MEI1: variants seen among roughly 807,000 people sequenced by gnomAD.
MEI1 encodes the protein meiosis inhibitor protein 1.
Under a neutral mutation model 146.2 loss-of-function variants are expected in MEI1, and 103 were observed. The ratio of observed to expected loss-of-function variants is 0.70; its 90% CI spans 0.60 to 0.83. The LOEUF is 0.83. Among genes scored for constraint, MEI1 ranks in the 40% least tolerant of loss-of-function variants. The pLI, the probability that MEI1 is intolerant of heterozygous loss-of-function variation, is 0.00. For synonymous variants in MEI1, 652 were observed against 628.2 expected (o/e 1.04, Z -0.57); for missense variants, 1,529 against 1,533.0 (o/e 1.00, Z 0.04).
At position 41,763,441 on chromosome 22, in the gene MEI1, G is replaced by T. The variant is rs2074637369; in HGVS notation, c.2268+120G>T. 1.9e-5 allele frequency: 21 copies of T among 1,119,214 alleles called. No homozygotes were observed. In the South Asian group the frequency reaches 3.2e-4, roughly 17 times the overall value. 69.3% of individuals were successfully genotyped at this position (1,119,214 alleles called of 1,614,324 possible). A position where few individuals can be genotyped will look rare whatever the true frequency, so the allele number is the denominator to read the frequency against. On this transcript the variant is annotated intron_variant, in intron 19 of 30. Coordinates refer to ENST00000401548, the MANE Select transcript of MEI1 (RefSeq NM_152513.4). ...GGGTGGTAGAGAGAGACAAAGCGGAGGTGTTAGGAGTGTGGAGAGGAGTAG... is the reference window on the plus strand; with the variant it reads ...GGGTGGTAGAGAGAGACAAAGCGGATGTGTTAGGAGTGTGGAGAGGAGTAG...
At chr22:41,721,624 C>T (rs2070813356) in intron 6 of MEI1, among the ~76,000 whole-genome samples, 1 of 151,386 alleles carries the variant, frequency 6.6e-6, no homozygotes, top group South Asian at 2.1e-4. Context: ...AACTGCTGGG[C>T]TCAAGAGATC....
intron 30 of MEI1, among the ~76,000 whole-genome samples, chr22:41,798,920 A>G (rs1451054674): frequency 6.6e-6 from 1 of 150,838 alleles, no homozygotes; most frequent in Non-Finnish European, 1.5e-5. Flanking sequence ...GGCAGTGGTC[A>G]GAGACCCTCT....
At position 41,700,177 on chromosome 22, in the gene MEI1, T is replaced by G. The variant is rs865783753; in HGVS notation, c.174+465T>G. ...TCCTCATTCCCTTCAGCTGTCGGGGTGTGAATCGGAGGAGGGGCAGTCTGG... is the reference window on the plus strand; with the variant it reads ...TCCTCATTCCCTTCAGCTGTCGGGGGGTGAATCGGAGGAGGGGCAGTCTGG... On this transcript the variant is annotated intron_variant, in intron 1 of 30. Coordinates refer to ENST00000401548, the MANE Select transcript of MEI1 (RefSeq NM_152513.4). Among the ~76,000 whole-genome samples the G allele has an allele frequency of 9.9e-5, 15 of 151,882 alleles. No homozygotes were observed. In the Middle Eastern group the frequency reaches 0.014, roughly 138 times the overall value.
intron 16 of MEI1, 150 bp downstream of exon 16, chr22:41,752,801 G>T (rs1601933867): frequency 2.8e-6 from 2 of 721,454 alleles, no homozygotes; most frequent in East Asian, 5.4e-5. Context: ...GGTGCAATAA[G>T]CTGGTCATGC....
At chr22:41,780,913 A>T (rs6002480) in intron 22 of MEI1, among the ~76,000 whole-genome samples, 55,224 of 151,966 alleles carry the variant, frequency 0.36, 13,139 homozygotes, top group African/African-American at 0.65. Flanking sequence ...TGACGGGGAC[A>T]AGAGGAGTTA....
At chr22:41,709,293 T>C in intron 3 of MEI1, 1 of 818,748 alleles carries the variant, frequency 1.2e-6, no homozygotes, top group Non-Finnish European at 2.1e-6. Flanking sequence ...GCAGGGTTAT[T>C]CCCTTCCTTG....
intron 27 of MEI1, 88 bp from the exon 28 acceptor site, chr22:41,794,283 C>G (rs994489617): frequency 2.3e-5 from 26 of 1,130,256 alleles, no homozygotes; most frequent in Non-Finnish European, 3.3e-5. Flanking sequence ...ACTGGGTAGC[C>G]CCTTTTTAAG....
At chr22:41,767,489 C>A in intron 19 of MEI1, 1 of 445,122 alleles carries the variant, frequency 2.2e-6, no homozygotes, top group Non-Finnish European at 4.6e-6. Flanking sequence ...CTGAGGATCC[C>A]CAATAGCCAG....
chr22:41,699,622 T>A lies in MEI1; in HGVS notation c.84T>A (p.His28Gln). ...CGGCGCTTCTATTCGAGAGGGCCCA[T>A]TACCGGCACGACCCGCGCTGGCTGC... ...EEAALLFERA[H>Q]YRHDPRWLLP... The change falls in exon 1 of 31, where the codon CAT becomes CAA. Residue 28 changes from histidine to glutamine, a missense_variant. This residue lies in a region of MEI1 where 1,212 missense variants were observed against 1,178.9 expected (regional missense o/e 1.03). Coordinates refer to ENST00000401548, the MANE Select transcript of MEI1 (RefSeq NM_152513.4). 1 of 1,611,402 alleles carries A rather than the reference T, an allele frequency of 6.2e-7. No individual in the cohort carries two copies. Among genetic ancestry groups the A allele is most frequent in the Non-Finnish European group, 8.5e-7 (1 of 1,178,968 alleles).
intron 25 of MEI1, 42 bp downstream of exon 25, chr22:41,784,462 C>T: frequency 6.2e-7 from 1 of 1,608,454 alleles, no homozygotes; most frequent in Admixed American, 1.7e-5. Flanking sequence ...AGCTTTTTCC[C>T]TAGGTTTTCA....
chr22:41,769,945 A>T (rs1014572465), intron 19 of MEI1, among the ~76,000 whole-genome samples: 1 of 151,002 alleles, frequency 6.6e-6, no homozygotes, highest in Admixed American at 6.6e-5. Context: ...AACCAGCCTG[A>T]CCAACATGGA....
intron 23 of MEI1, 41 bp downstream of exon 23, chr22:41,781,435 G>C (rs775841721): frequency 2.0e-6 from 3 of 1,478,102 alleles, no homozygotes; most frequent in Non-Finnish European, 2.8e-6. Context: ...GTGCTGGGCA[G>C]TCTGTGGTCC....
At chr22:41,748,272 G>A in intron 15 of MEI1, 54 bp downstream of exon 15, 4 of 1,114,180 alleles carry the variant, frequency 3.6e-6, no homozygotes, top group Non-Finnish European at 5.5e-6. Flanking sequence ...CTTAGGCAAT[G>A]CTCAGAGAGT....
In MEI1 at chr22:41,752,764, A is replaced by G. The variant is rs570661384; in HGVS notation, c.1853+113A>G. 3.3e-5 allele frequency: 30 copies of G among 912,892 alleles called. No homozygotes were observed. The South Asian group carries it at 4.1e-4, about 12-fold the overall frequency. The allele number at this position is 912,892 out of a possible 1,614,324, so 56.5% of individuals were successfully genotyped here. A position where few individuals can be genotyped will look rare whatever the true frequency, so the allele number is the denominator to read the frequency against. ...TAGTCATGGGCTCATGGTGGTGTTG[A>G]CATAGTGTCAGCATTGCTCAGCATC... On this transcript the variant is annotated intron_variant, in intron 16 of 30. Coordinates refer to ENST00000401548, the MANE Select transcript of MEI1 (RefSeq NM_152513.4).
chr22:41,724,689 GCT>G (rs2071162902), intron 7 of MEI1, among the ~76,000 whole-genome samples: 1 of 152,054 alleles, frequency 6.6e-6, no homozygotes, highest in Non-Finnish European at 1.5e-5. Flanking sequence ...TACTCAGGAG[GCT>G]GAGGTGGGAG....
intron 24 of MEI1, 103 bp downstream of exon 24, chr22:41,781,948 G>T: frequency 1.5e-6 from 2 of 1,336,722 alleles, no homozygotes; most frequent in Non-Finnish European, 2.1e-6. Flanking sequence ...TTAGCTGTGT[G>T]ACCTTGGCAA....
At chr22:41,727,821 A>G (rs2071501763) in intron 7 of MEI1, among the ~76,000 whole-genome samples, 1 of 152,156 alleles carries the variant, frequency 6.6e-6, no homozygotes, top group African/African-American at 2.4e-5. Flanking sequence ...TTTCCCCAGG[A>G]ATGAACTGTG....
At chr22:41,718,338 G>A in intron 6 of MEI1, 64 bp downstream of exon 6, 1 of 1,509,338 alleles carries the variant, frequency 6.6e-7, no homozygotes, top group Non-Finnish European at 9.1e-7. Flanking sequence ...GAAGACTTGA[G>A]ATATTGGGTT....
rs531762544 is a variant in MEI1, at chr22:41,729,531, A to G, written c.865-134A>G. The G allele has an allele frequency of 5.5e-5, 37 of 674,710 alleles. No individual in the cohort carries two copies. In the East Asian group the frequency reaches 8.8e-4, roughly 16 times the overall value. The allele number at this position is 674,710 out of a possible 1,614,324, so 41.8% of individuals were successfully genotyped here. A position where few individuals can be genotyped will look rare whatever the true frequency, so the allele number is the denominator to read the frequency against. ...ATCCATAACTGCTCTCCTGACCACCATCCTTGTGCCTGGTGCCATGTGGGA... is the reference window on the plus strand; with the variant it reads ...ATCCATAACTGCTCTCCTGACCACCGTCCTTGTGCCTGGTGCCATGTGGGA... On this transcript the variant is annotated intron_variant, in intron 7 of 30. Transcript: ENST00000401548.
Sources: allele counts gnomAD v4.1 joint callset (sites outside exome capture counted in the v4.1 genomes callset), GRCh38; gene constraint gnomAD v4.1.1; regional missense constraint gnomAD v4.1.1; transcripts MANE v1.5; gene names NCBI Gene and HGNC (gene_info 2026-07-23, HGNC 2026-07-21).